Variants in CCDC6 observed in about 807,000 individuals in gnomAD.
CCDC6 encodes the protein coiled-coil domain containing 6.
Under a neutral mutation model 56.6 loss-of-function variants are expected in CCDC6, and 20 were observed. The ratio of observed to expected loss-of-function variants is 0.35; its 90% CI spans 0.25 to 0.51. The LOEUF (loss-of-function observed/expected upper bound fraction) is 0.51. Among genes scored for constraint, CCDC6 ranks in the 20% least tolerant of loss-of-function variants. The pLI is 0.95. For synonymous variants in CCDC6, 241 were observed against 234.4 expected, an observed-to-expected ratio of 1.03 and a Z score of -0.26; for missense variants, 367 against 601.1, an observed-to-expected ratio of 0.61 and a Z score of 4.07.
At chr10:59,803,770 AG>A (rs768456732) in intron 7 of CCDC6, among the ~76,000 whole-genome samples, 3 of 152,188 alleles carry the variant, frequency 2.0e-5, no homozygotes, top group Non-Finnish European at 2.9e-5. Flanking sequence ...GTGAGGGCAA[AG>A]CCAGAAGCAG....
chr10:59,831,101 T>A (rs1417705349), intron 3 of CCDC6, among the ~76,000 whole-genome samples: 1 of 152,214 alleles, frequency 6.6e-6, no homozygotes, highest in Non-Finnish European at 1.5e-5. Context: ...CTGCCTATCC[T>A]GGGAATTAAA....
intron 1 of CCDC6, among the ~76,000 whole-genome samples, chr10:59,854,372 G>A (rs1361160140): frequency 2.0e-5 from 3 of 152,116 alleles, no homozygotes; most frequent in African/African-American, 7.2e-5. Context: ...TCTACAAAGA[G>A]AGCCACACAT....
At chr10:59,862,837 C>A (rs1446818695) in intron 1 of CCDC6, among the ~76,000 whole-genome samples, 1 of 151,950 alleles carries the variant, frequency 6.6e-6, no homozygotes, top group Non-Finnish European at 1.5e-5. Context: ...TTTTGAAAAA[C>A]TAAATATTTT....
At chr10:59,844,635 C>A (rs958209052) in intron 2 of CCDC6, among the ~76,000 whole-genome samples, 3 of 129,200 alleles carry the variant, frequency 2.3e-5, no homozygotes, top group Middle Eastern at 3.8e-3. Flanking sequence ...TTAAAATTAG[C>A]CCAGTTACTC....
intron 1 of CCDC6, among the ~76,000 whole-genome samples, chr10:59,854,104 T>C (rs777686231): frequency 5.3e-5 from 8 of 152,122 alleles, no homozygotes; most frequent in Non-Finnish European, 1.0e-4. Context: ...CAGAACCTGT[T>C]ATTTATAATA....
intron 3 of CCDC6, among the ~76,000 whole-genome samples, chr10:59,820,107 G>A (rs2132636221): frequency 6.6e-6 from 1 of 152,326 alleles, no homozygotes; most frequent in African/African-American, 2.4e-5. Context: ...GGTCCCACTT[G>A]TGTCTTCTCA....
intron 7 of CCDC6, 115 bp downstream of exon 7, chr10:59,804,305 C>T (rs952505100): frequency 1.8e-5 from 12 of 667,228 alleles, no homozygotes; most frequent in African/African-American, 3.6e-5. Flanking sequence ...TTGAAAAAGA[C>T]ATGATTATTA....
chr10:59,851,131 GAAAAAAAAAAA>G (rs372606692), intron 2 of CCDC6, among the ~76,000 whole-genome samples: 5 of 46,726 alleles, frequency 1.1e-4, no homozygotes, highest in Non-Finnish European at 7.8e-5. Context: ...CATGTAAATT[GAAAAAAAAAAA>G]AAAAAAAAAA....
intron 1 of CCDC6, among the ~76,000 whole-genome samples, chr10:59,865,506 C>T (rs1479616715): frequency 6.6e-6 from 1 of 152,112 alleles, no homozygotes; most frequent in East Asian, 1.9e-4. Flanking sequence ...GAATAAAACC[C>T]ACTGGCAGTT....
chr10:59,881,835 G>GT (rs2071337858), intron 1 of CCDC6, among the ~76,000 whole-genome samples: 1 of 152,162 alleles, frequency 6.6e-6, no homozygotes, highest in African/African-American at 2.4e-5. Flanking sequence ...TAGGGTAGAC[G>GT]TAACCTCAAA....
chr10:59,835,570 T>C (rs1291479850), intron 2 of CCDC6, among the ~76,000 whole-genome samples: 1 of 152,248 alleles, frequency 6.6e-6, no homozygotes, highest in Non-Finnish European at 1.5e-5. Flanking sequence ...CAAGCCATTC[T>C]GAGATCTAAC....
intron 3 of CCDC6, among the ~76,000 whole-genome samples, chr10:59,819,628 A>T (rs1404885221): frequency 6.6e-6 from 1 of 152,204 alleles, no homozygotes; most frequent in Non-Finnish European, 1.5e-5. Context: ...CAGGGTAGTA[A>T]GTTGGAAATT....
intron 7 of CCDC6, among the ~76,000 whole-genome samples, chr10:59,802,183 A>G (rs1056562429): frequency 6.6e-6 from 1 of 152,220 alleles, no homozygotes; most frequent in Non-Finnish European, 1.5e-5. Context: ...CAGTCCAAAT[A>G]TAATAAAGAT....
chr10:59,796,425 T>A (rs908286682), intron 7 of CCDC6, among the ~76,000 whole-genome samples: 11 of 151,658 alleles, frequency 7.3e-5, no homozygotes, highest in Non-Finnish European at 1.2e-4. Context: ...TTGTAGGTTG[T>A]ATAAAAGAAA....
At chr10:59,884,203 G>T (rs1167096831) in intron 1 of CCDC6, among the ~76,000 whole-genome samples, 1 of 152,028 alleles carries the variant, frequency 6.6e-6, no homozygotes, top group Non-Finnish European at 1.5e-5. Flanking sequence ...TAAGTAACAT[G>T]GCAATTTGTT....
Position 59,847,493 on chromosome 10 carries a change from T to C in CCDC6, c.453+5060A>G, listed in dbSNP as rs183023504. On this transcript the variant is annotated intron_variant, in intron 2 of 8. Coordinates refer to ENST00000263102, the MANE Select transcript of CCDC6 (RefSeq NM_005436.5). ...TCTTAATGATGTGGGCAGTCAAGAATCTCCTGTCACTTGCAAATGAGCCTG... is the reference window on the plus strand; with the variant it reads ...TCTTAATGATGTGGGCAGTCAAGAACCTCCTGTCACTTGCAAATGAGCCTG... Among the ~76,000 whole-genome samples the C allele has an allele frequency of 3.7e-4, 57 of 152,192 alleles. 1 individual carries two copies. Among genetic ancestry groups the C allele is most frequent in the African/African-American group, 1.3e-3 (56 of 41,530 alleles).
At chr10:59,808,758 T>C (rs1057110470) in intron 5 of CCDC6, among the ~76,000 whole-genome samples, 2 of 152,168 alleles carry the variant, frequency 1.3e-5, no homozygotes, top group Admixed American at 6.5e-5. Context: ...TCAATGCCCA[T>C]CAAATTAGTT....
At chr10:59,832,493 T>C (rs773510664) in intron 3 of CCDC6, 32 bp downstream of exon 3, 10 of 1,588,436 alleles carry the variant, frequency 6.3e-6, no homozygotes, top group Non-Finnish European at 8.5e-6. Context: ...AACGAGAAAA[T>C]ACAATGTAAA....
rs577521147 is a variant in CCDC6 at position 59,877,716 on chromosome 10, G to C, written c.304-25014C>G. On this transcript the variant is annotated intron_variant, in intron 1 of 8. Transcript: ENST00000263102. ...TTAAATGTGAGTATGACCCCATTCT[G>C]TGGTAAGAGATTAAGAGATGCCAGA... Among the ~76,000 whole-genome samples, 52 of 152,282 alleles carry C rather than the reference G, an allele frequency of 3.4e-4. No homozygotes were observed. The South Asian group carries it at 6.6e-3, about 19-fold the overall frequency.
Sources: allele counts gnomAD v4.1 joint callset (sites outside exome capture counted in the v4.1 genomes callset), GRCh38; gene constraint gnomAD v4.1.1; transcripts MANE v1.5; gene names NCBI Gene and HGNC (gene_info 2026-07-23, HGNC 2026-07-21).